The following AMPD3 variants were observed in gnomAD, a reference collection of about 807,000 sequenced individuals.
The protein encoded by AMPD3 is AMP deaminase 3.
Under a neutral mutation model 82.3 loss-of-function variants are expected in AMPD3, and 57 were observed. That is an observed-to-expected ratio of 0.69 (90% CI 0.56 to 0.86). AMPD3 has a LOEUF of 0.86. Ranked by LOEUF, AMPD3 falls within the 40% of genes least tolerant of loss-of-function variation. The probability of loss-of-function intolerance (pLI) is 0.00; values close to 1 mark genes in which losing one functional copy is unlikely to be tolerated. For missense variants in AMPD3, 870 were observed against 1,003.8 expected (o/e 0.87, Z 1.80); for synonymous variants, 381 against 394.7 (o/e 0.97, Z 0.41).
chr11:10,485,081 C>T, intron 5 of AMPD3, 42 bp downstream of exon 5: 1 of 1,565,780 alleles, frequency 6.4e-7, no homozygotes, highest in Non-Finnish European at 8.7e-7. Flanking sequence ...TGCACAGGTG[C>T]TGTTCTGTAG....
At chr11:10,504,426 C>A in intron 13 of AMPD3, 123 bp from the exon 14 acceptor site, 1 of 1,076,498 alleles carries the variant, frequency 9.3e-7, no homozygotes, top group Non-Finnish European at 1.4e-6. Context: ...TTTGATGATC[C>A]AGGTGCCATT....
chr11:10,469,360 A>G (rs560032596), intron 2 of AMPD3, among the ~76,000 whole-genome samples: 2 of 152,360 alleles, frequency 1.3e-5, no homozygotes, highest in East Asian at 1.9e-4. Flanking sequence ...GGAGAATACT[A>G]TAAACACCTC....
At chr11:10,464,093 T>TG (rs1451682856) in intron 2 of AMPD3, among the ~76,000 whole-genome samples, 1 of 152,152 alleles carries the variant, frequency 6.6e-6, no homozygotes, top group Non-Finnish European at 1.5e-5. Flanking sequence ...GCTACCTTCA[T>TG]GGGGTGTTGT....
At position 10,482,120 on chromosome 11, in the gene AMPD3, C is replaced by G. The variant is rs201639499; in HGVS notation, c.484C>G (p.Arg162Gly). The G allele has an allele frequency of 6.2e-7, 1 of 1,614,056 alleles. No individual in the cohort carries two copies. Among genetic ancestry groups the G allele is most frequent in the East Asian group, 2.2e-5 (1 of 44,898 alleles). The part of the protein sequence containing the change: ...AKSLAKALMI[R>G]EKYARLAYHR... ...GAGTCTGGCCAAGGCCCTAATGATC[C>G]GGGAGAAGTATGCGCGGCTCGCCTA... Residue 162 changes from arginine (R) to glycine (G), a missense_variant, in exon 4 of 15, where the codon CGG becomes GGG. By Grantham distance (125) the Arg-to-Gly change is moderately radical. Transcript: ENST00000396553.
At chr11:10,451,269 G>A (rs1182304520), upstream of AMPD3, among the ~76,000 whole-genome samples, 1 of 152,252 alleles carries the variant, frequency 6.6e-6, no homozygotes, top group Non-Finnish European at 1.5e-5. Context: ...CCTCAGGTGA[G>A]CGGGCAGCAT....
At chr11:10,482,688 T>C (rs573416287) in intron 4 of AMPD3, among the ~76,000 whole-genome samples, 1 of 13,978 alleles carries the variant, frequency 7.2e-5, no homozygotes, top group East Asian at 2.3e-3. Flanking sequence ...ATTAAAAAAA[T>C]ATATATTATT....
At chr11:10,472,862 G>T (rs1178461376) in intron 2 of AMPD3, among the ~76,000 whole-genome samples, 1 of 151,934 alleles carries the variant, frequency 6.6e-6, no homozygotes, top group East Asian at 1.9e-4. Context: ...AGGTTAGCTG[G>T]GTGTGGTGGC....
chr11:10,487,697 T>G (rs1849115483), intron 6 of AMPD3, among the ~76,000 whole-genome samples: 1 of 152,200 alleles, frequency 6.6e-6, no homozygotes, highest in Non-Finnish European at 1.5e-5. Context: ...ACTTTTAAGG[T>G]AGGGGATGTA....
intron 2 of AMPD3, among the ~76,000 whole-genome samples, chr11:10,463,060 C>G (rs570314547): frequency 6.6e-6 from 1 of 152,224 alleles, no homozygotes; most frequent in South Asian, 2.1e-4. Context: ...TTTATCTCAC[C>G]CTGGGCTTTA....
At position 10,484,910 on chromosome 11, in the gene AMPD3, G is replaced by T; in HGVS notation, c.680G>T (p.Gly227Val). The T allele has an allele frequency of 6.2e-7, 1 of 1,614,080 alleles. No homozygotes were observed. The highest frequency in any genetic ancestry group is 8.5e-7 in the Non-Finnish European group (1 of 1,180,016). ...GATTACTTGGTCCACATGCAGGGGG[G>T]CATCCTCTTTGTGTATGATAACAAG... ...NLDYLVHMQG[G>V]ILFVYDNKKM... is the part of the protein sequence containing the mutation. Residue 227 changes from glycine to valine, a missense_variant, in exon 5 of 15, where the codon GGC becomes GTC. Transcript: ENST00000396553.
rs373969791 is a variant in AMPD3, at chr11:10,495,580, G to A, written c.1277G>A (p.Arg426Gln). The A allele has an allele frequency of 2.3e-5, 37 of 1,612,844 alleles. No individual in the cohort carries two copies. Among genetic ancestry groups the A allele is most frequent in the Non-Finnish European group, 2.9e-5 (34 of 1,180,024 alleles). Residue 426 changes from arginine (R) to glutamine (Q), a missense_variant, in exon 9 of 15, where the codon CGG becomes CAG. Transcript: ENST00000396553. ...YFARMVKEVA[R>Q]ELEESKYQYS... ...CTCTTCTTGTGCCAGGAGGTTGCCCGGGAGCTGGAGGAGAGCAAGTACCAG... is the reference window on the plus strand; with the variant it reads ...CTCTTCTTGTGCCAGGAGGTTGCCCAGGAGCTGGAGGAGAGCAAGTACCAG...
chr11:10,485,365 G>A (rs541254337), intron 5 of AMPD3, among the ~76,000 whole-genome samples: 1 of 152,264 alleles, frequency 6.6e-6, no homozygotes, highest in East Asian at 1.9e-4. Flanking sequence ...TCTTGCCTCA[G>A]CGTCCTGAGT....
intron 5 of AMPD3, 69 bp downstream of exon 5, chr11:10,485,108 G>C: frequency 6.8e-7 from 1 of 1,460,204 alleles, no homozygotes; most frequent in Non-Finnish European, 9.4e-7. Flanking sequence ...GATGAGAAAG[G>C]CCTCACCCCT....
intron 1 of AMPD3, among the ~76,000 whole-genome samples, chr11:10,459,727 G>C (rs11822997): frequency 0.037 from 5,703 of 152,088 alleles, 351 homozygotes; most frequent in African/African-American, 0.13. Flanking sequence ...TGTTATGCTG[G>C]GGACTGTGAG....
At chr11:10,451,049 T>A, upstream of AMPD3, 4 of 1,577,544 alleles carry the variant, frequency 2.5e-6, no homozygotes, top group Non-Finnish European at 3.4e-6. Flanking sequence ...ACCCGGTGAG[T>A]GCGCGCGAGG....
chr11:10,488,389 G>A, intron 6 of AMPD3: 3 of 985,434 alleles, frequency 3.0e-6, no homozygotes, highest in Non-Finnish European at 3.6e-6. Context: ...CAGGCAGAGG[G>A]TGTGGTAGGG....
intron 10 of AMPD3, chr11:10,497,858 T>C (rs535719138): frequency 4.1e-6 from 4 of 984,130 alleles, no homozygotes; most frequent in Admixed American, 1.2e-4. Context: ...CACCTAAGCC[T>C]CACAATTACC....
In AMPD3 at chr11:10,456,151, T is replaced by A. The variant is rs1051165683; in HGVS notation, c.-6+703T>A. Reference sequence around the variant, plus strand: ...GGATAACTGGGATTACCTGGGGACTTCAGGGCTCTTGGAAATTTTCCACTC... The same window carrying A: ...GGATAACTGGGATTACCTGGGGACTACAGGGCTCTTGGAAATTTTCCACTC... On this transcript the variant is annotated intron_variant, in intron 1 of 14. Transcript: ENST00000396553. This position sits in a 1 kb window ranked among gnomAD's most constrained non-coding sequence, Gnocchi z 4.3. 7.2e-6 allele frequency: 10 copies of A among 1,389,704 alleles called. No homozygotes were observed. In the South Asian group the frequency reaches 1.7e-4, roughly 23 times the overall value. The allele number at this position is 1,389,704 out of a possible 1,614,324, so 86.1% of individuals were successfully genotyped here.
rs899011 is a variant in AMPD3, at chr11:10,455,351, T to C, written c.-103T>C. 0.71 allele frequency: 702,890 copies of C among 985,192 alleles called. 251,293 individuals carry two copies. The highest frequency in any genetic ancestry group is 0.78 in the East Asian group (6,809 of 8,782). The allele number at this position is 985,192 out of a possible 1,614,324, so 61.0% of individuals were successfully genotyped here. A position where few individuals can be genotyped will look rare whatever the true frequency, so the allele number is the denominator to read the frequency against. ...CTGCTTGGTTTTAGAGGATTGCTCC[T>C]GTGGGTCACTTGAGGCAGGCTCCAC... On this transcript the variant is annotated 5_prime_UTR_variant, in exon 1 of 15. Transcript: ENST00000396553.
Sources: gnomAD v4.1 joint callset for allele counts (sites outside exome capture counted in the v4.1 genomes callset) on GRCh38, gnomAD v4.1.1 for gene constraint, Gnocchi (gnomAD v3.1) non-coding constraint, MANE v1.5 for transcripts, NCBI Gene and HGNC (gene_info 2026-07-23, HGNC 2026-07-21) for gene names.